Variants in TNPO3 observed in about 807,000 individuals in gnomAD.
TNPO3 encodes the protein transportin-3.
Under a neutral mutation model 122.8 loss-of-function variants are expected in TNPO3, and 65 were observed. That is an observed-to-expected ratio of 0.53 (90% CI 0.43 to 0.65). The LOEUF (loss-of-function observed/expected upper bound fraction) is 0.65, where lower values mean the gene tolerates loss of function less well. Among genes scored for constraint, TNPO3 ranks in the 30% least tolerant of loss-of-function variants. The pLI, the probability that TNPO3 is intolerant of heterozygous loss-of-function variation, is 0.00. For synonymous variants in TNPO3, 372 were observed against 411.2 expected, an observed-to-expected ratio of 0.90 and a Z score of 1.15; for missense variants, 850 against 1,136.7, an observed-to-expected ratio of 0.75 and a Z score of 3.63.
intron 1 of TNPO3, among the ~76,000 whole-genome samples, chr7:129,024,006 A>G (rs1804826325): frequency 6.6e-6 from 1 of 152,216 alleles, no homozygotes; most frequent in East Asian, 1.9e-4. Flanking sequence ...ATAGCTGCGA[A>G]TATAATGCTA....
intron 3 of TNPO3, among the ~76,000 whole-genome samples, chr7:129,015,998 G>A (rs1178135811): frequency 6.6e-6 from 1 of 151,888 alleles, no homozygotes; most frequent in African/African-American, 2.4e-5. Flanking sequence ...AGGATCACTT[G>A]AGCCCGGGAA....
At chr7:128,997,347 AG>A (rs1351975651) in intron 8 of TNPO3, 41 bp downstream of exon 8, 2 of 1,605,718 alleles carry the variant, frequency 1.2e-6, no homozygotes, top group Admixed American at 3.4e-5. Flanking sequence ...CACTGACAAG[AG>A]GAAGAAATTA....
chr7:129,035,950 C>CTTTTTT (rs71162551), intron 1 of TNPO3, among the ~76,000 whole-genome samples: 108 of 119,930 alleles, frequency 9.0e-4, no homozygotes, highest in African/African-American at 1.4e-3. Context: ...CTTTTCTTTT[C>CTTTTTT]TTTTTTTTTT....
chr7:128,991,412 C>T (rs1800735116), intron 10 of TNPO3, among the ~76,000 whole-genome samples: 1 of 152,176 alleles, frequency 6.6e-6, no homozygotes, highest in Admixed American at 6.5e-5. Context: ...GATTTATATA[C>T]TCATGGCACA....
intron 21 of TNPO3, among the ~76,000 whole-genome samples, chr7:128,961,820 T>G (rs1176540432): frequency 3.3e-5 from 5 of 152,120 alleles, no homozygotes; most frequent in Non-Finnish European, 7.3e-5. Flanking sequence ...TGACTAGGGA[T>G]TCAACCCCTT....
intron 1 of TNPO3, among the ~76,000 whole-genome samples, chr7:129,025,417 A>C (rs1183960470): frequency 1.4e-5 from 2 of 139,370 alleles, no homozygotes; most frequent in Admixed American, 7.5e-5. Context: ...CTCAACTATG[A>C]AGTGTGAGAT....
rs186716148 is a variant in TNPO3 at position 128,966,768 on chromosome 7, G to A, written c.2711+512C>T. On this transcript the variant is annotated intron_variant, in intron 21 of 22. Coordinates refer to ENST00000265388, the MANE Select transcript of TNPO3 (RefSeq NM_012470.4). ...TTAGGCTGTAATCCAGAGATTGTAA[G>A]TTCCTCATGGGCCTAATGTATCCCA... 3.5e-4 allele frequency among the ~76,000 whole-genome samples: 54 copies of A among 152,272 alleles called. 1 individual carries two copies. Among genetic ancestry groups the A allele is most frequent in the Admixed American group, 2.4e-3 (36 of 15,296 alleles).
At chr7:129,000,654 G>C in intron 6 of TNPO3, 87 bp from the exon 7 acceptor site, 2 of 1,349,162 alleles carry the variant, frequency 1.5e-6, no homozygotes, top group Non-Finnish European at 2.1e-6. Flanking sequence ...ATAAATAAAA[G>C]GTTCCTCAGT....
chr7:128,969,046 G>A (rs1271536234), intron 20 of TNPO3, among the ~76,000 whole-genome samples: 2 of 152,134 alleles, frequency 1.3e-5, no homozygotes, highest in East Asian at 1.9e-4. Flanking sequence ...ACACTCCTTA[G>A]AGTACATGGC....
chr7:129,019,229 C>A (rs1233797849), intron 1 of TNPO3, among the ~76,000 whole-genome samples: 1 of 152,162 alleles, frequency 6.6e-6, no homozygotes, highest in African/African-American at 2.4e-5. Context: ...TTGTAGACAA[C>A]TAATTAATTA....
intron 1 of TNPO3, among the ~76,000 whole-genome samples, chr7:129,031,433 T>C (rs1805939966): frequency 6.6e-6 from 1 of 152,140 alleles, no homozygotes; most frequent in South Asian, 2.1e-4. Flanking sequence ...CAAGTGAACA[T>C]ATTGAATAAC....
intron 1 of TNPO3, among the ~76,000 whole-genome samples, chr7:129,044,864 A>G (rs1426990183): frequency 6.6e-6 from 1 of 152,232 alleles, no homozygotes; most frequent in African/African-American, 2.4e-5. Flanking sequence ...GGTATACTGT[A>G]TATCTAAAGA....
At chr7:129,003,010 A>G (rs1252424984) in intron 5 of TNPO3, among the ~76,000 whole-genome samples, 1 of 132,300 alleles carries the variant, frequency 7.6e-6, no homozygotes, top group Non-Finnish European at 1.6e-5. Context: ...ACTGCACTCC[A>G]GCCCCGGCGA....
chr7:128,987,031 T>C, intron 11 of TNPO3, 111 bp from the exon 12 acceptor site: 1 of 1,117,562 alleles, frequency 8.9e-7, no homozygotes, highest in Non-Finnish European at 1.2e-6. Context: ...AAGAACCCTT[T>C]TAAAAAGTGA....
Position 129,015,038 on chromosome 7 carries a change from G to A in TNPO3, c.493C>T (p.Arg165Trp), listed in dbSNP as rs749513287. 1.2e-6 allele frequency: 2 copies of A among 1,612,902 alleles called. No individual in the cohort carries two copies. Among genetic ancestry groups the A allele is most frequent in the East Asian group, 2.2e-5 (1 of 44,842 alleles). ...HSRSLRIGAN[R>W]RTEIIEDLAF... is the part of the protein sequence containing the mutation. ...AAATCTTCTATAATTTCTGTGCGCC[G>A]ATTAGCTCCAATTCGTAAGGAACGA... Residue 165 changes from arginine (R) to tryptophan (W), a missense_variant, in exon 4 of 23, where the codon CGG becomes TGG. Physicochemically the swap from Arg to Trp is moderately radical, Grantham distance 101. Transcript: ENST00000265388.
At chr7:128,984,868 C>T (rs1460691284) in intron 12 of TNPO3, among the ~76,000 whole-genome samples, 1 of 152,044 alleles carries the variant, frequency 6.6e-6, no homozygotes, top group Non-Finnish European at 1.5e-5. Context: ...TTTCTTTTTC[C>T]CTCCTAAACA....
In TNPO3 at chr7:128,968,848, C is replaced by CTA. The variant is rs1427137915; in HGVS notation, c.2598+1298_2598+1299dup. ...ACCTCACCCTCCTGAGTAGCTGGGA[C>CTA]TATAGATGTATGCCACCACACCCAG... On this transcript the variant is annotated intron_variant, in intron 20 of 22. Transcript: ENST00000265388. Among the ~76,000 whole-genome samples the CTA allele has an allele frequency of 2.6e-5, 4 of 151,842 alleles. No homozygotes were observed. The East Asian group carries it at 7.7e-4, about 29-fold the overall frequency.
At chr7:129,034,722 T>C (rs1806377508) in intron 1 of TNPO3, among the ~76,000 whole-genome samples, 1 of 145,014 alleles carries the variant, frequency 6.9e-6, no homozygotes, top group African/African-American at 2.5e-5. Context: ...ACCCCATCTC[T>C]ACTAAAAATA....
intron 1 of TNPO3, among the ~76,000 whole-genome samples, chr7:129,045,887 G>A (rs1807975029): frequency 1.3e-5 from 2 of 152,104 alleles, no homozygotes; most frequent in African/African-American, 4.8e-5. Context: ...TACTTGGAAT[G>A]TGGGTAAGTG....
Sources: gnomAD v4.1 joint callset for allele counts (sites outside exome capture counted in the v4.1 genomes callset) on GRCh38, gnomAD v4.1.1 for gene constraint, MANE v1.5 for transcripts, NCBI Gene and HGNC (gene_info 2026-07-23, HGNC 2026-07-21) for gene names.